Variants in PRKCE observed in about 807,000 individuals in gnomAD.
PRKCE encodes the protein protein kinase C epsilon type.
Under a neutral mutation model 85.4 loss-of-function variants are expected in PRKCE, and 16 were observed. That is an observed-to-expected ratio of 0.19 (90% CI 0.13 to 0.28). PRKCE has a LOEUF of 0.28. PRKCE is among the 10% of genes least tolerant of loss of function. PRKCE has a pLI of 1.00. For synonymous variants in PRKCE, 388 were observed against 371.5 expected, an observed-to-expected ratio of 1.04 and a Z score of -0.51; for missense variants, 573 against 975.2, an observed-to-expected ratio of 0.59 and a Z score of 5.49.
chr2:46,021,834 T>G (rs546231226), intron 10 of PRKCE, among the ~76,000 whole-genome samples: 25 of 152,220 alleles, frequency 1.6e-4, no homozygotes, highest in African/African-American at 5.8e-4. Flanking sequence ...ATTTACCTTT[T>G]TGTGTGTGTG....
At chr2:46,018,406 G>C (rs904837087) in intron 10 of PRKCE, among the ~76,000 whole-genome samples, 23 of 152,194 alleles carry the variant, frequency 1.5e-4, no homozygotes, top group African/African-American at 5.5e-4. Context: ...CTCTACAGAG[G>C]TTACAGTGAG....
intron 11 of PRKCE, among the ~76,000 whole-genome samples, chr2:46,089,535 C>G (rs574888447): frequency 6.6e-6 from 1 of 152,344 alleles, no homozygotes; most frequent in Non-Finnish European, 1.5e-5. Flanking sequence ...CCCTTCTTAG[C>G]AGCCTTCAGC....
chr2:45,796,532 T>C (rs10202493), intron 1 of PRKCE, among the ~76,000 whole-genome samples: 104,659 of 152,028 alleles, frequency 0.69, 37,631 homozygotes, highest in African/African-American at 0.9. Context: ...TCTTGAGAGG[T>C]GGCACTGTCT....
At chr2:46,067,321 G>A (rs1183977960) in intron 10 of PRKCE, among the ~76,000 whole-genome samples, 1 of 152,164 alleles carries the variant, frequency 6.6e-6, no homozygotes, top group Non-Finnish European at 1.5e-5. Flanking sequence ...AAACAGTTTG[G>A]ATTAATAGGA....
At chr2:45,784,368 A>G (rs1280663554) in intron 1 of PRKCE, among the ~76,000 whole-genome samples, 5 of 152,236 alleles carry the variant, frequency 3.3e-5, no homozygotes, top group African/African-American at 4.8e-5. Flanking sequence ...AAAAGGAAGA[A>G]GTGGGCTGGC....
At chr2:45,966,280 C>G (rs926876151) in intron 2 of PRKCE, among the ~76,000 whole-genome samples, 1 of 152,148 alleles carries the variant, frequency 6.6e-6, no homozygotes, top group East Asian at 1.9e-4. Flanking sequence ...CCGCAGGTGC[C>G]TGTGATGCTC....
At chr2:45,729,652 A>T (rs1681396845) in intron 1 of PRKCE, among the ~76,000 whole-genome samples, 1 of 152,214 alleles carries the variant, frequency 6.6e-6, no homozygotes, top group African/African-American at 2.4e-5. Context: ...TTGAATCTGT[A>T]CTAGAGATTC....
intron 11 of PRKCE, among the ~76,000 whole-genome samples, chr2:46,117,889 A>C (rs1672935763): frequency 6.6e-6 from 1 of 152,186 alleles, no homozygotes. Flanking sequence ...TTGACTTGAA[A>C]GTACACCTGT....
At chr2:46,031,591 C>CGTGTGT (rs58684318) in intron 10 of PRKCE, among the ~76,000 whole-genome samples, 6,172 of 144,006 alleles carry the variant, frequency 0.043, 168 homozygotes, top group East Asian at 0.12. Context: ...ACATTCTGCT[C>CGTGTGT]GTGTGTGTGT....
intron 1 of PRKCE, among the ~76,000 whole-genome samples, chr2:45,783,037 C>A (rs965663363): frequency 6.6e-6 from 1 of 152,132 alleles, no homozygotes; most frequent in Non-Finnish European, 1.5e-5. Flanking sequence ...TTTTCATGCG[C>A]CTTCCCCGTC....
chr2:45,840,146 A>G (rs1461973231), intron 1 of PRKCE, among the ~76,000 whole-genome samples: 3 of 152,196 alleles, frequency 2.0e-5, no homozygotes, highest in Admixed American at 6.5e-5. Flanking sequence ...TACTTTGCCA[A>G]TAAAGTCCAC....
intron 11 of PRKCE, among the ~76,000 whole-genome samples, chr2:46,100,543 A>C (rs1671103494): frequency 3.9e-5 from 6 of 152,164 alleles, no homozygotes. Context: ...GCCACCCCTG[A>C]GACAACACCC....
Position 45,697,641 on chromosome 2 carries a change from G to A in PRKCE, c.348+45193G>A, listed in dbSNP as rs1678265950. On this transcript the variant is annotated intron_variant, in intron 1 of 14. Transcript: ENST00000306156. This position sits in a 1 kb window ranked among gnomAD's most constrained non-coding sequence, Gnocchi z 4.2. ...ACCTCCCTCCCTAGGTGACATCCCT[G>A]CAGGTGCCATCTTCACCTGAAGGCC... Among the ~76,000 whole-genome samples, 1 of 152,050 alleles carries A rather than the reference G, an allele frequency of 6.6e-6. No individual in the cohort carries two copies. The highest frequency in any genetic ancestry group is 1.5e-5 in the Non-Finnish European group (1 of 68,016).
At chr2:45,934,682 G>A (rs996523521) in intron 2 of PRKCE, among the ~76,000 whole-genome samples, 1 of 151,658 alleles carries the variant, frequency 6.6e-6, no homozygotes, top group Non-Finnish European at 1.5e-5. Flanking sequence ...AATTGTGTGA[G>A]AAAAATAATA....
intron 2 of PRKCE, among the ~76,000 whole-genome samples, chr2:45,956,086 C>G (rs1006177137): frequency 6.6e-6 from 1 of 152,112 alleles, no homozygotes; most frequent in Non-Finnish European, 1.5e-5. Flanking sequence ...TTGAGTTTGG[C>G]TTTTTTCATT....
At chr2:45,835,536 CTT>C (rs1690786840) in intron 1 of PRKCE, among the ~76,000 whole-genome samples, 1 of 150,956 alleles carries the variant, frequency 6.6e-6, no homozygotes, top group South Asian at 2.1e-4. Context: ...GGTATATACT[CTT>C]TAATGTTTGG....
chr2:45,766,164 A>G (rs1051594192), intron 1 of PRKCE, among the ~76,000 whole-genome samples: 2 of 151,892 alleles, frequency 1.3e-5, no homozygotes, highest in African/African-American at 4.8e-5. Flanking sequence ...TCTGTGGTGC[A>G]TGGAAGCGTG....
rs139135622 is a variant in PRKCE at position 45,716,630 on chromosome 2, G to GAGAAGA, written c.348+64200_348+64205dup. ...GGAGAAGAAGAAGAAGAAGGAGAAG[G>GAGAAGA]AGAAGAAGAAGAAGAAGAAGAAGGA... On this transcript the variant is annotated intron_variant, in intron 1 of 14. Transcript: ENST00000306156. Among the ~76,000 whole-genome samples the GAGAAGA allele has an allele frequency of 6.1e-4, 89 of 146,410 alleles. 1 individual carries two copies. The East Asian group carries it at 7.9e-3, about 13-fold the overall frequency.
At chr2:45,753,038 C>T (rs1214394747) in intron 1 of PRKCE, among the ~76,000 whole-genome samples, 2 of 152,262 alleles carry the variant, frequency 1.3e-5, no homozygotes, top group East Asian at 3.9e-4. Flanking sequence ...TTTCTTCTCC[C>T]CATCAACTTT....
Sources: gnomAD v4.1 joint callset for allele counts (sites outside exome capture counted in the v4.1 genomes callset) on GRCh38, gnomAD v4.1.1 for gene constraint, Gnocchi (gnomAD v3.1) non-coding constraint, MANE v1.5 for transcripts, NCBI Gene and HGNC (gene_info 2026-07-23, HGNC 2026-07-21) for gene names.